TENT4B: variants seen among roughly 807,000 people sequenced by gnomAD.
TENT4B encodes the protein PAP associated domain containing 5.
In TENT4B, 10 loss-of-function variants were observed where a neutral mutation model predicts 75.0. The ratio of observed to expected loss-of-function variants is 0.13; its 90% CI spans 0.08 to 0.23. TENT4B has a LOEUF of 0.23. Ranked by LOEUF, TENT4B falls within the 10% of genes least tolerant of loss-of-function variation. The probability of loss-of-function intolerance (pLI) is 1.00; values close to 1 mark genes in which losing one functional copy is unlikely to be tolerated. For synonymous variants in TENT4B, 350 were observed against 357.7 expected, an observed-to-expected ratio of 0.98 and a Z score of 0.24; for missense variants, 579 against 893.8, an observed-to-expected ratio of 0.65 and a Z score of 4.49.
intron 2 of TENT4B, 55 bp from the exon 3 acceptor site, chr16:50,214,166 T>C: frequency 7.4e-7 from 1 of 1,351,488 alleles, no homozygotes. Context: ...GGTGACTCAA[T>C]ATGATAACAA....
chr16:50,214,340 A>G lies in TENT4B; in HGVS notation c.809+73A>G. 7 of 1,233,330 alleles carry G rather than the reference A, an allele frequency of 5.7e-6. No individual in the cohort carries two copies. In the South Asian group the frequency reaches 9.4e-5, roughly 16 times the overall value. 76.4% of individuals were successfully genotyped at this position (1,233,330 alleles called of 1,614,324 possible). A position where few individuals can be genotyped will look rare whatever the true frequency, so the allele number is the denominator to read the frequency against. ...CATTTTGGCTGTCAAATTTGTAAGG[A>G]GTAGAAACAAAACAAATTTATAAAA... On this transcript the variant is annotated intron_variant, in intron 3 of 11. Transcript: ENST00000561678.
chr16:50,165,952 T>C (rs897767351), intron 1 of TENT4B, among the ~76,000 whole-genome samples: 1 of 152,228 alleles, frequency 6.6e-6, no homozygotes, highest in Non-Finnish European at 1.5e-5. Context: ...GAGGAATTCC[T>C]GGGTCTTAAG....
rs372277000 is a variant in TENT4B at position 50,209,162 on chromosome 16, AT to A, written c.639-2156del. 3.2e-4 allele frequency among the ~76,000 whole-genome samples: 48 copies of A among 152,160 alleles called. No homozygotes were observed. The East Asian group carries it at 6.0e-3, about 19-fold the overall frequency. ...GAGTAGATGCAGTCACATTTAGGAGATTTTTCCCCCCCATTGGTTAAAATGC... is the reference window on the plus strand; with the variant it reads ...GAGTAGATGCAGTCACATTTAGGAGATTTTCCCCCCCATTGGTTAAAATGC... On this transcript the variant is annotated intron_variant, in intron 1 of 11. Transcript: ENST00000561678.
chr16:50,202,145 T>G (rs896366376), intron 1 of TENT4B, among the ~76,000 whole-genome samples: 1 of 152,188 alleles, frequency 6.6e-6, no homozygotes, highest in South Asian at 2.1e-4. Flanking sequence ...TTAATATAAA[T>G]TATTTATTGA....
chr16:50,185,272 A>ATGCTGC (rs1429046137), intron 1 of TENT4B, among the ~76,000 whole-genome samples: 6 of 152,238 alleles, frequency 3.9e-5, no homozygotes, highest in Non-Finnish European at 7.3e-5. Flanking sequence ...ATCGAGAGGA[A>ATGCTGC]TGCTGCAGCT....
chr16:50,170,074 T>A (rs2038176495), intron 1 of TENT4B, among the ~76,000 whole-genome samples: 1 of 151,954 alleles, frequency 6.6e-6, no homozygotes, highest in Non-Finnish European at 1.5e-5. Context: ...TTTTTTGAGA[T>A]GGAGTCTCAC....
chr16:50,227,405 C>G (rs548328030), intron 10 of TENT4B, among the ~76,000 whole-genome samples: 3 of 152,188 alleles, frequency 2.0e-5, no homozygotes, highest in African/African-American at 7.2e-5. Context: ...GAAGTCCACC[C>G]CCACCCACAC....
At chr16:50,205,536 C>G (rs1427938572) in intron 1 of TENT4B, among the ~76,000 whole-genome samples, 1 of 122,054 alleles carries the variant, frequency 8.2e-6, no homozygotes, top group Non-Finnish European at 1.6e-5. Flanking sequence ...GTGTCTGCCT[C>G]TGTGTGTATG....
At chr16:50,226,393 A>AT (rs910518141) in intron 10 of TENT4B, among the ~76,000 whole-genome samples, 11 of 151,076 alleles carry the variant, frequency 7.3e-5, no homozygotes, top group Non-Finnish European at 1.5e-4. Flanking sequence ...CTTTCACTCA[A>AT]TTTTTTTTCA....
intron 3 of TENT4B, among the ~76,000 whole-genome samples, chr16:50,215,644 G>T (rs1404891732): frequency 6.6e-6 from 1 of 152,140 alleles, no homozygotes; most frequent in Non-Finnish European, 1.5e-5. Flanking sequence ...AAGGACATGT[G>T]TGTATATTAA....
At chr16:50,177,243 T>A (rs2038327901) in intron 1 of TENT4B, among the ~76,000 whole-genome samples, 1 of 152,130 alleles carries the variant, frequency 6.6e-6, no homozygotes, top group South Asian at 2.1e-4. Context: ...TCTCAGGTGA[T>A]CCACCTGTCT....
At chr16:50,225,830 G>A (rs1460343017) in intron 10 of TENT4B, among the ~76,000 whole-genome samples, 1 of 151,348 alleles carries the variant, frequency 6.6e-6, no homozygotes, top group Non-Finnish European at 1.5e-5. Context: ...TTACAGGTGC[G>A]TACCACCATA....
At chr16:50,218,108 A>G (rs183583400) in intron 5 of TENT4B, among the ~76,000 whole-genome samples, 43 of 152,098 alleles carry the variant, frequency 2.8e-4, no homozygotes, top group African/African-American at 9.9e-4. Context: ...TCTGCTTGTA[A>G]TGATCAGTGA....
Position 50,173,978 on chromosome 16 carries a change from G to A in TENT4B, c.638+19719G>A, listed in dbSNP as rs562195354. 2.1e-3 allele frequency among the ~76,000 whole-genome samples: 317 copies of A among 152,302 alleles called. 2 individuals are homozygous for A. The highest frequency in any genetic ancestry group is 7.2e-3 in the African/African-American group (301 of 41,556). On this transcript the variant is annotated intron_variant, in intron 1 of 11. Transcript: ENST00000561678. ...CAAAGTGCTGGGATTACAGGCGTGA[G>A]CCACTGCGCCTGGCTTTCATCTGCT...
At chr16:50,162,983 C>T (rs2038029030) in intron 1 of TENT4B, among the ~76,000 whole-genome samples, 1 of 152,136 alleles carries the variant, frequency 6.6e-6, no homozygotes, top group Admixed American at 6.6e-5. Flanking sequence ...TACCTTTAGA[C>T]TCTATAGAAT....
intron 1 of TENT4B, among the ~76,000 whole-genome samples, chr16:50,163,843 ATTTG>A (rs1448285339): frequency 1.3e-5 from 2 of 151,478 alleles, no homozygotes; most frequent in African/African-American, 2.4e-5. Context: ...GTTGGGTTTT[ATTTG>A]TTTATTTTAT....
rs2038194181 is a variant in TENT4B at position 50,170,918 on chromosome 16, C to T, written c.638+16659C>T. 1.3e-5 allele frequency among the ~76,000 whole-genome samples: 2 copies of T among 151,876 alleles called. 1 individual carries two copies. The highest frequency in any genetic ancestry group is 2.9e-5 in the Non-Finnish European group (2 of 67,972). On this transcript the variant is annotated intron_variant, in intron 1 of 11. Coordinates refer to ENST00000561678, the MANE Select transcript of TENT4B (RefSeq NM_001365324.3). ...CTGACCTCAGGTGATCCACCTGCCT[C>T]CCAGAGTGCTGGGATTATAGGCATG... is the stretch of plus-strand genomic sequence containing the variant.
chr16:50,209,646 A>G (rs1383722780), intron 1 of TENT4B, among the ~76,000 whole-genome samples: 1 of 152,182 alleles, frequency 6.6e-6, no homozygotes, highest in African/African-American at 2.4e-5. Context: ...TTGAAACTGA[A>G]GGCCTGAAAA....
chr16:50,218,322 G>A (rs1478698343), intron 5 of TENT4B, among the ~76,000 whole-genome samples: 3 of 151,714 alleles, frequency 2.0e-5, no homozygotes, highest in Admixed American at 6.6e-5. Context: ...TACTGTGCGG[G>A]CAGTGAGCTG....
Sources: gnomAD v4.1 joint callset for allele counts (sites outside exome capture counted in the v4.1 genomes callset) on GRCh38, gnomAD v4.1.1 for gene constraint, MANE v1.5 for transcripts, NCBI Gene and HGNC (gene_info 2026-07-23, HGNC 2026-07-21) for gene names.